The following CCSER1 variants were observed in gnomAD, a reference collection of about 807,000 sequenced individuals.
CCSER1 encodes coiled-coil serine rich protein 1, also known as serine-rich coiled-coil domain-containing protein 1.
A neutral mutation model predicts 82.0 loss-of-function variants in CCSER1; 41 were observed. That is an observed-to-expected ratio of 0.50 (90% CI 0.39 to 0.65). CCSER1 has a LOEUF of 0.65. CCSER1 is among the 30% of genes least tolerant of loss of function. The pLI, the probability that CCSER1 is intolerant of heterozygous loss-of-function variation, is 0.00. For missense variants in CCSER1, 1,119 were observed against 1,064.2 expected (o/e 1.05, Z -0.72); for synonymous variants, 414 against 383.9 (o/e 1.08, Z -0.92).
intron 9 of CCSER1, among the ~76,000 whole-genome samples, chr4:91,080,068 T>A (rs1046166010): frequency 6.6e-6 from 1 of 152,148 alleles, no homozygotes; most frequent in Non-Finnish European, 1.5e-5. Context: ...CAAGCAGACC[T>A]CATAGACATC....
In CCSER1 at chr4:90,600,325, G is replaced by C. The variant is rs191055636; in HGVS notation, c.1725-27700G>C. ...TCACATTTCTACCAGGAGCATATGA[G>C]ATTTCCTACCCAAAACTTGGTACAG... On this transcript the variant is annotated intron_variant, in intron 5 of 10. Transcript: ENST00000509176. 1.5e-4 allele frequency among the ~76,000 whole-genome samples: 23 copies of C among 152,234 alleles called. No individual in the cohort carries two copies. In the East Asian group the frequency reaches 3.3e-3, roughly 22 times the overall value.
chr4:90,308,808 A>G lies in CCSER1; in HGVS notation c.524A>G (p.Gln175Arg), dbSNP rs773629286. 1 of 1,613,824 alleles carries G rather than the reference A, an allele frequency of 6.2e-7. No individual in the cohort carries two copies. The highest frequency in any genetic ancestry group is 2.2e-5 in the East Asian group (1 of 44,870). ...TEDQTRRSVK[Q>R]STRKLLPKSF... ...GACCAAACTCGTCGTTCTGTTAAGC[A>G]GTCAACAAGGAAGCTACTCCCTAAA... Residue 175 changes from glutamine (Q) to arginine (R), a missense_variant, in exon 2 of 11, where the codon CAG becomes CGG. Gln to Arg is a conservative substitution (Grantham distance 43). Transcript: ENST00000509176.
At chr4:91,364,867 G>GT (rs200914300) in intron 10 of CCSER1, among the ~76,000 whole-genome samples, 1 of 151,716 alleles carries the variant, frequency 6.6e-6, no homozygotes, top group African/African-American at 2.4e-5. Context: ...TTAATTCTAA[G>GT]TTTTTTTTCT....
intron 10 of CCSER1, among the ~76,000 whole-genome samples, chr4:91,313,121 A>G (rs1291814922): frequency 6.6e-6 from 1 of 151,916 alleles, no homozygotes; most frequent in Non-Finnish European, 1.5e-5. Context: ...TTATCATACC[A>G]CAAATATGTA....
chr4:90,883,641 A>G (rs1387421427), intron 8 of CCSER1, among the ~76,000 whole-genome samples: 1 of 152,172 alleles, frequency 6.6e-6, no homozygotes, highest in African/African-American at 2.4e-5. Context: ...AGAGAATTAT[A>G]AAGTGGAGAG....
At chr4:90,962,865 A>G (rs1411581836) in intron 9 of CCSER1, among the ~76,000 whole-genome samples, 1 of 152,136 alleles carries the variant, frequency 6.6e-6, no homozygotes, top group African/African-American at 2.4e-5. Context: ...CTTTTGGATA[A>G]TGAAAAATTC....
Position 90,180,971 on chromosome 4 carries a change from C to T in CCSER1, c.-42+53140C>T, listed in dbSNP as rs887479967. Among the ~76,000 whole-genome samples, 9 of 152,230 alleles carry T rather than the reference C, an allele frequency of 5.9e-5. No homozygotes were observed. The South Asian group carries it at 1.2e-3, about 21-fold the overall frequency. ...TGCAAGTTATTTAGACTCTTTCTGT[C>T]TCAATTTCTTTATATATATATATAA... On this transcript the variant is annotated intron_variant, in intron 1 of 10. Transcript: ENST00000509176.
intron 5 of CCSER1, among the ~76,000 whole-genome samples, chr4:90,603,676 G>A (rs1784294637): frequency 6.6e-6 from 1 of 152,158 alleles, no homozygotes; most frequent in Non-Finnish European, 1.5e-5. Context: ...ACATGTGGGA[G>A]GATTTCCACT....
At chr4:90,486,539 C>T (rs1163906290) in intron 5 of CCSER1, among the ~76,000 whole-genome samples, 1 of 152,218 alleles carries the variant, frequency 6.6e-6, no homozygotes, top group Admixed American at 6.5e-5. Flanking sequence ...CAGCAATGCA[C>T]TTGCCACAGG....
At position 91,506,912 on chromosome 4, in the gene CCSER1, C is replaced by T. The variant is rs953344339; in HGVS notation, c.2218-91660C>T. On this transcript the variant is annotated intron_variant, in intron 10 of 10. Transcript: ENST00000509176. ...ACATAGAGTCTGTAGTTTTTGTGAC[C>T]ATCACTTAGCATATTATTTTTATGG... Among the ~76,000 whole-genome samples the T allele has an allele frequency of 2.6e-5, 4 of 152,134 alleles. No individual in the cohort carries two copies. The East Asian group carries it at 5.8e-4, about 22-fold the overall frequency.
rs549270709 is a variant in CCSER1 at position 91,522,588 on chromosome 4, C to T, written c.2218-75984C>T. On this transcript the variant is annotated intron_variant, in intron 10 of 10. Coordinates refer to ENST00000509176, the MANE Select transcript of CCSER1 (RefSeq NM_001145065.2). ...CAGTTTTCCTTGAAGAAGTCCTTCACATACCTTGTAAGTTGGATTCCTAGG... is the reference window on the plus strand; with the variant it reads ...CAGTTTTCCTTGAAGAAGTCCTTCATATACCTTGTAAGTTGGATTCCTAGG... Among the ~76,000 whole-genome samples, 4 of 152,312 alleles carry T rather than the reference C, an allele frequency of 2.6e-5. 1 individual carries two copies. The highest frequency in any genetic ancestry group is 9.6e-5 in the African/African-American group (4 of 41,562).
At chr4:91,161,232 C>A (rs373081570) in intron 10 of CCSER1, among the ~76,000 whole-genome samples, 22 of 151,916 alleles carry the variant, frequency 1.4e-4, no homozygotes, top group African/African-American at 5.1e-4. Flanking sequence ...GTGTTATTTC[C>A]AAGGCCTCTG....
rs76187635 is a variant in CCSER1, at chr4:90,433,104, A to T, written c.1603+32975A>T. On this transcript the variant is annotated intron_variant, in intron 4 of 10. Coordinates refer to ENST00000509176, the MANE Select transcript of CCSER1 (RefSeq NM_001145065.2). ...AATTTCCCCTGCACTGCAGACATAT[A>T]TGTATATTAACTATCTACTTGAGAT... Among the ~76,000 whole-genome samples, 6 of 151,922 alleles carry T rather than the reference A, an allele frequency of 3.9e-5. No homozygotes were observed. In the East Asian group the frequency reaches 9.7e-4, roughly 25 times the overall value.
At chr4:91,093,267 C>A (rs571820437) in intron 10 of CCSER1, among the ~76,000 whole-genome samples, 22 of 152,314 alleles carry the variant, frequency 1.4e-4, no homozygotes, top group Non-Finnish European at 2.5e-4. Context: ...AACTCCCAGT[C>A]CACTGATGCC....
At chr4:90,531,156 CT>C (rs1208198317) in intron 5 of CCSER1, among the ~76,000 whole-genome samples, 2 of 150,568 alleles carry the variant, frequency 1.3e-5, no homozygotes. Context: ...CTGGTTTGGC[CT>C]TTTGTTTTTT....
chr4:90,625,718 T>G (rs1314408479), intron 5 of CCSER1, among the ~76,000 whole-genome samples: 1 of 152,238 alleles, frequency 6.6e-6, no homozygotes, highest in Non-Finnish European at 1.5e-5. Context: ...GGACACAATG[T>G]GGATGTTTTC....
intron 10 of CCSER1, among the ~76,000 whole-genome samples, chr4:91,427,860 T>G (rs575802731): frequency 6.6e-6 from 1 of 152,250 alleles, no homozygotes; most frequent in African/African-American, 2.4e-5. Flanking sequence ...AATGATTCTG[T>G]TAGTATGCTT....
intron 1 of CCSER1, among the ~76,000 whole-genome samples, chr4:90,300,469 T>G (rs1404198343): frequency 6.6e-6 from 1 of 152,132 alleles, no homozygotes; most frequent in African/African-American, 2.4e-5. Context: ...GATGTTCCAG[T>G]TTATAGTCTT....
At chr4:90,725,771 G>T (rs552625996) in intron 7 of CCSER1, among the ~76,000 whole-genome samples, 2 of 151,790 alleles carry the variant, frequency 1.3e-5, no homozygotes, top group Admixed American at 1.3e-4. Context: ...AGGATATGTT[G>T]AGAATTATAT....
Sources: gnomAD v4.1 joint callset for allele counts (sites outside exome capture counted in the v4.1 genomes callset) on GRCh38, gnomAD v4.1.1 for gene constraint, MANE v1.5 for transcripts, NCBI Gene and HGNC (gene_info 2026-07-23, HGNC 2026-07-21) for gene names.